The following PRKG2 variants were observed in gnomAD, a reference collection of about 807,000 sequenced individuals.
PRKG2 encodes protein kinase cGMP-dependent 2.
PRKG2 carries 33 observed loss-of-function variants against 97.2 expected under a neutral mutation model. The ratio of observed to expected loss-of-function variants is 0.34; its 90% confidence interval spans 0.26 to 0.45. The LOEUF (loss-of-function observed/expected upper bound fraction) is 0.45, where lower values mean the gene tolerates loss of function less well. Ranked by LOEUF, PRKG2 falls within the 20% of genes least tolerant of loss-of-function variation. The pLI, the probability that PRKG2 is intolerant of heterozygous loss-of-function variation, is 1.00. For synonymous variants in PRKG2, 330 were observed against 321.8 expected (o/e 1.03, Z -0.27); for missense variants, 638 against 900.0 (o/e 0.71, Z 3.73).
chr4:81,140,924 G>C (rs1747218046), intron 11 of PRKG2, among the ~76,000 whole-genome samples: 1 of 152,038 alleles, frequency 6.6e-6, no homozygotes, highest in African/African-American at 2.4e-5. Flanking sequence ...TATTTAGATA[G>C]CTATTCTATT....
chr4:81,145,674 A>G (rs1747790494), intron 9 of PRKG2, among the ~76,000 whole-genome samples: 1 of 152,108 alleles, frequency 6.6e-6, no homozygotes, highest in Non-Finnish European at 1.5e-5. Context: ...ATTACTTCCA[A>G]TGCTTCCCTG....
At chr4:81,179,940 T>C (rs756378857) in intron 2 of PRKG2, among the ~76,000 whole-genome samples, 10 of 151,908 alleles carry the variant, frequency 6.6e-5, no homozygotes, top group Non-Finnish European at 1.5e-4. Flanking sequence ...GTCAGGAGTT[T>C]GAGACCAGCT....
chr4:81,148,594 C>A (rs995215255), intron 9 of PRKG2, among the ~76,000 whole-genome samples: 5 of 152,160 alleles, frequency 3.3e-5, no homozygotes, highest in Non-Finnish European at 7.4e-5. Context: ...GCGAACGAAT[C>A]AACTTACTTC....
At chr4:81,135,685 C>T (rs901656351) in intron 13 of PRKG2, among the ~76,000 whole-genome samples, 5 of 152,104 alleles carry the variant, frequency 3.3e-5, no homozygotes, top group African/African-American at 1.2e-4. Flanking sequence ...TTAAAAATGA[C>T]TCAAGTGATT....
At chr4:81,140,711 C>T (rs769123216) in intron 11 of PRKG2, 42 bp from the exon 12 acceptor site, 1 of 1,518,974 alleles carries the variant, frequency 6.6e-7, no homozygotes, top group South Asian at 1.2e-5. Flanking sequence ...TAACTTATAT[C>T]TATATAAAAC....
intron 7 of PRKG2, chr4:81,153,387 T>C (rs538366512): frequency 3.1e-6 from 1 of 323,252 alleles, no homozygotes; most frequent in South Asian, 5.1e-5. Context: ...CCATCTCATA[T>C]ACAATTAAGC....
chr4:81,186,411 T>C (rs565425367), intron 2 of PRKG2, among the ~76,000 whole-genome samples: 3 of 152,298 alleles, frequency 2.0e-5, no homozygotes, highest in Non-Finnish European at 2.9e-5. Flanking sequence ...ATAAATAAGT[T>C]CTTTGAAACC....
chr4:81,130,641 A>C (rs1447633025), intron 14 of PRKG2, among the ~76,000 whole-genome samples: 1 of 152,146 alleles, frequency 6.6e-6, no homozygotes, highest in African/African-American at 2.4e-5. Flanking sequence ...AGTTTTATCT[A>C]TGAGCCCCTG....
At chr4:81,185,080 C>G (rs1751752901) in intron 2 of PRKG2, among the ~76,000 whole-genome samples, 1 of 152,074 alleles carries the variant, frequency 6.6e-6, no homozygotes, top group Non-Finnish European at 1.5e-5. Flanking sequence ...GAGAACTTCC[C>G]CAACCTAGCA....
chr4:81,167,434 C>T lies in PRKG2; in HGVS notation c.849-210G>A, dbSNP rs369474167. ...GATATATAATCACAGACATGTGCCA[C>T]AGGCAAACAAATGAAAATAGTAAGA... On this transcript the variant is annotated intron_variant, in intron 5 of 18. Transcript: ENST00000264399. Among the ~76,000 whole-genome samples the T allele has an allele frequency of 5.9e-5, 9 of 152,090 alleles. No individual in the cohort carries two copies. The East Asian group carries it at 1.2e-3, about 20-fold the overall frequency.
upstream of PRKG2, among the ~76,000 whole-genome samples, chr4:81,216,506 G>C (rs1258954411): frequency 6.6e-6 from 1 of 152,060 alleles, no homozygotes; most frequent in Non-Finnish European, 1.5e-5. Context: ...TGACAAAAAG[G>C]AGAAAAACAG....
In PRKG2 at chr4:81,114,164, T is replaced by C. The variant is rs373779522; in HGVS notation, c.1777-3553A>G. 4.6e-5 allele frequency among the ~76,000 whole-genome samples: 7 copies of C among 152,142 alleles called. No homozygotes were observed. The East Asian group carries it at 1.3e-3, about 29-fold the overall frequency. The stretch of plus-strand genomic sequence containing the variant: ...ATTTACAGAACCAATTCCCTTCTCC[T>C]GTGAGGTTCTGTAACACTTTTTATA... On this transcript the variant is annotated intron_variant, in intron 14 of 18. Coordinates refer to ENST00000264399, the MANE Select transcript of PRKG2 (RefSeq NM_006259.3).
At chr4:81,166,108 G>A (rs1230446806) in intron 6 of PRKG2, among the ~76,000 whole-genome samples, 7 of 152,058 alleles carry the variant, frequency 4.6e-5, no homozygotes, top group African/African-American at 1.4e-4. Flanking sequence ...GGGGCCACAC[G>A]GCCAGGCACT....
At chr4:81,165,095 T>C (rs889813510) in intron 6 of PRKG2, 1 of 152,186 alleles carries the variant, frequency 6.6e-6, no homozygotes, top group African/African-American at 2.4e-5. Flanking sequence ...TAACTCTTAA[T>C]GAACTCTAGT....
intron 18 of PRKG2, among the ~76,000 whole-genome samples, chr4:81,091,862 C>T (rs1741571190): frequency 6.6e-6 from 1 of 152,142 alleles, no homozygotes; most frequent in Non-Finnish European, 1.5e-5. Flanking sequence ...TGACTGAGCA[C>T]TTGAAATGTC....
At chr4:81,149,733 T>A (rs918835564) in intron 8 of PRKG2, among the ~76,000 whole-genome samples, 9 of 152,110 alleles carry the variant, frequency 5.9e-5, no homozygotes, top group African/African-American at 1.7e-4. Flanking sequence ...AAAAGGTACA[T>A]CCACAAGGCA....
intron 14 of PRKG2, among the ~76,000 whole-genome samples, chr4:81,123,004 C>T (rs1284189350): frequency 2.6e-5 from 4 of 152,156 alleles, no homozygotes; most frequent in African/African-American, 9.7e-5. Flanking sequence ...GCTTAATGTC[C>T]CAGTATATGA....
intron 15 of PRKG2, among the ~76,000 whole-genome samples, chr4:81,110,077 T>G (rs1373409749): frequency 6.6e-6 from 1 of 152,230 alleles, no homozygotes; most frequent in African/African-American, 2.4e-5. Context: ...TGAACTCAGA[T>G]TGCTGTTTTC....
intron 1 of PRKG2, among the ~76,000 whole-genome samples, chr4:81,206,521 TTACAAA>T (rs1181055842): frequency 6.6e-6 from 1 of 152,136 alleles, no homozygotes; most frequent in Non-Finnish European, 1.5e-5. Flanking sequence ...CCCCTTTCCT[TTACAAA>T]TTACCCAGTC....
Sources: gnomAD v4.1 joint callset for allele counts (sites outside exome capture counted in the v4.1 genomes callset) on GRCh38, gnomAD v4.1.1 for gene constraint, MANE v1.5 for transcripts, NCBI Gene and HGNC (gene_info 2026-07-23, HGNC 2026-07-21) for gene names.